The following LRFN2 variants were observed in gnomAD, a reference collection of about 807,000 sequenced individuals.
The protein encoded by LRFN2 is leucine rich repeat and fibronectin type III domain containing 2.
Under a neutral mutation model 37.3 loss-of-function variants are expected in LRFN2, and 18 were observed. That is an observed-to-expected ratio of 0.48 (90% CI 0.33 to 0.72). The LOEUF is 0.72. Among genes scored for constraint, LRFN2 ranks in the 30% least tolerant of loss-of-function variants. The pLI, the probability that LRFN2 is intolerant of heterozygous loss-of-function variation, is 0.02. For synonymous variants in LRFN2, 556 were observed against 466.6 expected, an observed-to-expected ratio of 1.19 and a Z score of -2.47; for missense variants, 1,006 against 1,060.7, an observed-to-expected ratio of 0.95 and a Z score of 0.72.
rs908947435 is a variant in LRFN2 at position 40,391,688 on chromosome 6, G to A, written c.*255C>T. On this transcript the variant is annotated 3_prime_UTR_variant, in exon 3 of 3. Transcript: ENST00000338305. ...GGCTACATTTGTGATTAGAAAGGCG[G>A]AGTCTCGCCTTTCCAAACACTCAGG... 1 of 384,938 alleles carries A rather than the reference G, an allele frequency of 2.6e-6. No homozygotes were observed. Among genetic ancestry groups the A allele is most frequent in the Non-Finnish European group, 4.6e-6 (1 of 217,546 alleles). 23.8% of individuals were successfully genotyped at this position (384,938 alleles called of 1,614,324 possible).
chr6:40,568,744 G>A (rs1055085815), intron 1 of LRFN2, among the ~76,000 whole-genome samples: 1 of 110,974 alleles, frequency 9.0e-6, no homozygotes, highest in African/African-American at 3.6e-5. Flanking sequence ...TTTTTGAGAC[G>A]GAGTTTCGCT....
At chr6:40,517,842 A>T (rs1255513465) in intron 1 of LRFN2, among the ~76,000 whole-genome samples, 1 of 152,190 alleles carries the variant, frequency 6.6e-6, no homozygotes, top group Non-Finnish European at 1.5e-5. Flanking sequence ...AATTAACTCC[A>T]TTAGTACGGA....
chr6:40,536,616 G>A (rs980979516), intron 1 of LRFN2, among the ~76,000 whole-genome samples: 4 of 152,206 alleles, frequency 2.6e-5, no homozygotes, highest in Non-Finnish European at 4.4e-5. Flanking sequence ...ACCACTAGGA[G>A]GTGCAGCTGG....
At chr6:40,445,710 G>A (rs1763953053) in intron 1 of LRFN2, among the ~76,000 whole-genome samples, 1 of 152,190 alleles carries the variant, frequency 6.6e-6, no homozygotes. Flanking sequence ...TTACTGGCAA[G>A]GTGGCTAGTG....
rs576277011 is a variant in LRFN2 at position 40,529,463 on chromosome 6, G to C, written c.-19+57478C>G. Among the ~76,000 whole-genome samples, 5 of 152,340 alleles carry C rather than the reference G, an allele frequency of 3.3e-5. No homozygotes were observed. In the South Asian group the frequency reaches 8.3e-4, roughly 25 times the overall value. Reference sequence around the variant, plus strand: ...TGTTTCCTGCAGGTGGTCAATGTGGGCTTAAGGGAAAAGTAACTCATCTTA... The same window carrying C: ...TGTTTCCTGCAGGTGGTCAATGTGGCCTTAAGGGAAAAGTAACTCATCTTA... On this transcript the variant is annotated intron_variant, in intron 1 of 2. Coordinates refer to ENST00000338305, the MANE Select transcript of LRFN2 (RefSeq NM_020737.3).
chr6:40,469,009 T>C (rs1028000926), intron 1 of LRFN2, among the ~76,000 whole-genome samples: 1 of 152,040 alleles, frequency 6.6e-6, no homozygotes, highest in Admixed American at 6.5e-5. Flanking sequence ...TGTGTCCTTA[T>C]CTAAAAAAAG....
chr6:40,556,632 C>T (rs1336362005), intron 1 of LRFN2, among the ~76,000 whole-genome samples: 1 of 150,260 alleles, frequency 6.7e-6, no homozygotes, highest in Non-Finnish European at 1.5e-5. Context: ...TATGGCTAGT[C>T]AGTGTGGAGA....
intron 1 of LRFN2, among the ~76,000 whole-genome samples, chr6:40,535,561 C>A (rs1766432952): frequency 6.6e-6 from 1 of 152,180 alleles, no homozygotes. Flanking sequence ...CCCCATTAAC[C>A]ACCACTTACC....
intron 1 of LRFN2, among the ~76,000 whole-genome samples, chr6:40,452,208 T>C (rs573577953): frequency 9.9e-5 from 15 of 152,116 alleles, no homozygotes; most frequent in African/African-American, 1.4e-4. Context: ...TGTTGTGTCA[T>C]GTGACAATGC....
intron 1 of LRFN2, among the ~76,000 whole-genome samples, chr6:40,535,530 T>C (rs1766432321): frequency 6.6e-6 from 1 of 152,146 alleles, no homozygotes; most frequent in South Asian, 2.1e-4. Context: ...TGCAGCCTGT[T>C]GGAAAATGGC....
intron 1 of LRFN2, among the ~76,000 whole-genome samples, chr6:40,555,684 T>G (rs913488716): frequency 6.6e-6 from 1 of 152,092 alleles, no homozygotes; most frequent in Non-Finnish European, 1.5e-5. Context: ...GCTTCTCTCC[T>G]GTCCTCCCAA....
intron 1 of LRFN2, among the ~76,000 whole-genome samples, chr6:40,538,190 C>T (rs971453554): frequency 6.6e-6 from 1 of 152,186 alleles, no homozygotes; most frequent in African/African-American, 2.4e-5. Context: ...AGGCATTCAA[C>T]ACTGTGGGGA....
At chr6:40,528,149 A>C (rs530900889) in intron 1 of LRFN2, among the ~76,000 whole-genome samples, 137 of 152,348 alleles carry the variant, frequency 9.0e-4, no homozygotes, top group African/African-American at 1.8e-3. Flanking sequence ...TTTACAAAAG[A>C]GCTATCTTAA....
intron 2 of LRFN2, among the ~76,000 whole-genome samples, chr6:40,395,577 A>T (rs1395223870): frequency 1.3e-5 from 2 of 152,118 alleles, no homozygotes; most frequent in African/African-American, 4.8e-5. Context: ...AGGGCTAATG[A>T]TGTAAGTTGA....
chr6:40,578,494 T>C (rs1418193071), intron 1 of LRFN2, among the ~76,000 whole-genome samples: 4 of 152,208 alleles, frequency 2.6e-5, no homozygotes, highest in African/African-American at 4.8e-5. Flanking sequence ...TCATAATGTC[T>C]ATGCTGACTG....
chr6:40,538,132 G>T (rs775812948), intron 1 of LRFN2, among the ~76,000 whole-genome samples: 31 of 152,320 alleles, frequency 2.0e-4, no homozygotes, highest in Middle Eastern at 3.4e-3. Context: ...AAAGGGTAAA[G>T]GGAGAAACAA....
At position 40,435,389 on chromosome 6, in the gene LRFN2, G is replaced by T. The variant is rs577008934; in HGVS notation, c.-18-2258C>A. On this transcript the variant is annotated intron_variant, in intron 1 of 2. Coordinates refer to ENST00000338305, the MANE Select transcript of LRFN2 (RefSeq NM_020737.3). ...TGCCCAGGCTGGTCTCGAACTTCTG[G>T]CTTCAAGTGATCCTCCTGCTTCAGC... Among the ~76,000 whole-genome samples the T allele has an allele frequency of 2.2e-3, 339 of 151,960 alleles. 1 individual carries two copies. The highest frequency in any genetic ancestry group is 7.7e-3 in the African/African-American group (319 of 41,430).
chr6:40,579,166 G>T (rs548601728), intron 1 of LRFN2, among the ~76,000 whole-genome samples: 6 of 152,254 alleles, frequency 3.9e-5, no homozygotes, highest in African/African-American at 1.2e-4. Flanking sequence ...ATAGCCTGGG[G>T]AACCACCCTC....
At chr6:40,439,395 C>T (rs953859216) in intron 1 of LRFN2, among the ~76,000 whole-genome samples, 2 of 152,190 alleles carry the variant, frequency 1.3e-5, no homozygotes, top group African/African-American at 4.8e-5. Context: ...CTCCCAGAGC[C>T]CCACTGCTCC....
Sources: gnomAD v4.1 joint callset for allele counts (sites outside exome capture counted in the v4.1 genomes callset) on GRCh38, gnomAD v4.1.1 for gene constraint, MANE v1.5 for transcripts, NCBI Gene and HGNC (gene_info 2026-07-23, HGNC 2026-07-21) for gene names.